PLEKHA5: variants seen among roughly 807,000 people sequenced by gnomAD.
The protein encoded by PLEKHA5 is pleckstrin homology domain-containing family A member 5.
Under a neutral mutation model 181.9 loss-of-function variants are expected in PLEKHA5, and 55 were observed. The observed-to-expected ratio is 0.30, with a 90% CI of 0.24 to 0.38. The LOEUF (loss-of-function observed/expected upper bound fraction) is 0.38. Ranked by LOEUF, PLEKHA5 falls within the 10% of genes least tolerant of loss-of-function variation. PLEKHA5 has a pLI of 1.00. For synonymous variants in PLEKHA5, 535 were observed against 529.4 expected (o/e 1.01, Z -0.15); for missense variants, 1,432 against 1,549.5 (o/e 0.92, Z 1.27).
rs1361103648 is a variant in PLEKHA5, at chr12:19,283,385, A to G, written c.1419A>G (p.Thr473=). The change falls in exon 12 of 32, where the codon ACA becomes ACG. Residue 473 remains threonine (T), a synonymous_variant. Transcript: ENST00000429027. ...GAACACTCCCAAGAAACAGCAAGAC[A>G]AGGCCTGAAAGTATCTGCAGTGTAA... ...GYRTLPRNSK[T]RPESICSVTP... 1 of 1,613,824 alleles carries G rather than the reference A, an allele frequency of 6.2e-7. No homozygotes were observed.
At chr12:19,343,042 T>C (rs1592565887) in intron 21 of PLEKHA5, among the ~76,000 whole-genome samples, 1 of 152,302 alleles carries the variant, frequency 6.6e-6, no homozygotes, top group South Asian at 2.1e-4. Flanking sequence ...CAATATGCCT[T>C]CCTGGTATCA....
chr12:19,271,924 C>G (rs192202719), intron 10 of PLEKHA5, among the ~76,000 whole-genome samples: 1 of 152,282 alleles, frequency 6.6e-6, no homozygotes, highest in Admixed American at 6.5e-5. Context: ...TTATCCCACT[C>G]TATTAGATTT....
intron 16 of PLEKHA5, among the ~76,000 whole-genome samples, chr12:19,317,919 AC>A (rs1302986607): frequency 3.7e-4 from 45 of 122,908 alleles, no homozygotes; most frequent in South Asian, 1.5e-3. Flanking sequence ...TTCAAACCAA[AC>A]CTTTTTTTTT....
At position 19,274,615 on chromosome 12, in the gene PLEKHA5, A is replaced by C. The variant is rs778683414; in HGVS notation, c.945A>C (p.Lys315Asn). 1 of 1,613,838 alleles carries C rather than the reference A, an allele frequency of 6.2e-7. No individual in the cohort carries two copies. The highest frequency in any genetic ancestry group is 1.1e-5 in the South Asian group (1 of 91,068). The change falls in exon 11 of 32, where the codon AAA becomes AAC. Residue 315 changes from lysine (K) to asparagine (N), a missense_variant. Around this residue, in one of 2 missense-constraint regions of PLEKHA5, gnomAD observed 1,143 missense variants for 1,168.4 expected, o/e 0.98. Coordinates refer to ENST00000429027, the MANE Select transcript of PLEKHA5 (RefSeq NM_001256470.2). Reference sequence around the variant, plus strand: ...AACCAGAGATCCAAAACAATCAAAAAAACAAGGAAATGAGCAAAATTGAAG... The same window carrying C: ...AACCAGAGATCCAAAACAATCAAAACAACAAGGAAATGAGCAAAATTGAAG... ...LIKPEIQNNQKNKEMSKIEEK... is the reference protein window; with the variant it reads ...LIKPEIQNNQNNKEMSKIEEK...
rs761176704 is a variant in PLEKHA5, at chr12:19,283,733, C to T, written c.1767C>T (p.Ala589=). 2.5e-6 allele frequency: 4 copies of T among 1,609,958 alleles called. No individual in the cohort carries two copies. In the South Asian group the frequency reaches 3.3e-5, roughly 13 times the overall value. The change falls in exon 12 of 32, where the codon GCC becomes GCT. Residue 589 remains alanine, a synonymous_variant. Transcript: ENST00000429027. ...GDVTIDRRHR[A]HHPKHVYVPD... ...TGACAATAGACCGCAGACACAGGGC[C>T]CATCACCCTAAGGTAAAATAGCTGC...
chr12:19,252,324 AC>A (rs1185071692), intron 3 of PLEKHA5, among the ~76,000 whole-genome samples: 2 of 152,258 alleles, frequency 1.3e-5, no homozygotes, highest in East Asian at 3.9e-4. Flanking sequence ...ACAAAAGAAA[AC>A]TAATATTCAA....
chr12:19,322,209 T>C (rs1592485588), intron 18 of PLEKHA5, 101 bp from the exon 19 acceptor site: 4 of 714,960 alleles, frequency 5.6e-6, no homozygotes, highest in Non-Finnish European at 9.7e-6. Context: ...TTTTAACTTT[T>C]ATTGATTGAA....
At chr12:19,326,316 C>T (rs1279481896) in intron 20 of PLEKHA5, among the ~76,000 whole-genome samples, 1 of 152,168 alleles carries the variant, frequency 6.6e-6, no homozygotes, top group Non-Finnish European at 1.5e-5. Context: ...GGTTGGCACT[C>T]AGTGAATGTT....
intron 11 of PLEKHA5, among the ~76,000 whole-genome samples, chr12:19,275,204 T>A (rs1165317867): frequency 6.6e-6 from 1 of 152,174 alleles, no homozygotes; most frequent in Non-Finnish European, 1.5e-5. Context: ...TCATCCTTCC[T>A]GGCCAAGCAC....
intron 3 of PLEKHA5, among the ~76,000 whole-genome samples, chr12:19,164,060 T>C (rs1300826282): frequency 1.3e-5 from 2 of 152,172 alleles, no homozygotes; most frequent in African/African-American, 4.8e-5. Context: ...GGATGTTACT[T>C]GGGTAACACT....
intron 3 of PLEKHA5, among the ~76,000 whole-genome samples, chr12:19,222,420 C>T (rs1260686995): frequency 1.3e-5 from 2 of 152,086 alleles, no homozygotes; most frequent in African/African-American, 4.8e-5. Context: ...TGTTCGTTCT[C>T]AGCTTTGGGA....
chr12:19,196,149 C>T (rs1386937691), intron 3 of PLEKHA5, among the ~76,000 whole-genome samples: 1 of 152,086 alleles, frequency 6.6e-6, no homozygotes, highest in Non-Finnish European at 1.5e-5. Flanking sequence ...TCTCATGAGT[C>T]TTTTCTAAAC....
chr12:19,308,476 A>G (rs1301296707), intron 15 of PLEKHA5, among the ~76,000 whole-genome samples: 7 of 152,162 alleles, frequency 4.6e-5, no homozygotes, highest in East Asian at 3.8e-4. Context: ...CCGTTTTACT[A>G]TTGGCGCTGC....
At chr12:19,296,741 A>G (rs1275998001) in intron 15 of PLEKHA5, among the ~76,000 whole-genome samples, 1 of 152,208 alleles carries the variant, frequency 6.6e-6, no homozygotes, top group East Asian at 1.9e-4. Flanking sequence ...AAAGAATGAA[A>G]TTAGGCGTTT....
At chr12:19,238,764 A>C (rs1329787176) in intron 3 of PLEKHA5, among the ~76,000 whole-genome samples, 2 of 142,446 alleles carry the variant, frequency 1.4e-5, no homozygotes, top group African/African-American at 5.3e-5. Flanking sequence ...AACTATTTCA[A>C]CTTTTTTTTG....
intron 3 of PLEKHA5, among the ~76,000 whole-genome samples, chr12:19,240,793 G>A (rs886988266): frequency 1.7e-4 from 26 of 152,014 alleles, no homozygotes; most frequent in East Asian, 1.2e-3. Context: ...TTTAAATGAC[G>A]AGAATATTTC....
chr12:19,129,982 T>C (rs2032914912), intron 1 of PLEKHA5, 69 bp from the exon 2 acceptor site: 2 of 1,453,300 alleles, frequency 1.4e-6, no homozygotes, highest in African/African-American at 2.9e-5. Context: ...TCTGTGCTCC[T>C]GCAGCCCCTC....
chr12:19,307,800 C>T (rs557554326), intron 15 of PLEKHA5, among the ~76,000 whole-genome samples: 2 of 151,650 alleles, frequency 1.3e-5, no homozygotes, highest in East Asian at 2.0e-4. Flanking sequence ...AGTTACAGCA[C>T]GGCTAGACAT....
At chr12:19,356,924 G>T (rs1450444841) in intron 26 of PLEKHA5, among the ~76,000 whole-genome samples, 1 of 152,038 alleles carries the variant, frequency 6.6e-6, no homozygotes, top group South Asian at 2.1e-4. Context: ...CTTCCAAAGT[G>T]TTGGGATTAC....
Sources: gnomAD v4.1 joint callset for allele counts (sites outside exome capture counted in the v4.1 genomes callset) on GRCh38, gnomAD v4.1.1 for gene constraint, gnomAD v4.1.1 regional missense constraint, MANE v1.5 for transcripts, NCBI Gene and HGNC (gene_info 2026-07-23, HGNC 2026-07-21) for gene names.